The following DMXL1 variants were observed in gnomAD, a reference collection of about 807,000 sequenced individuals.
DMXL1 encodes Dmx like 1.
DMXL1 carries 99 observed loss-of-function variants against 319.2 expected under a neutral mutation model. The ratio of observed to expected loss-of-function variants is 0.31; its 90% CI spans 0.26 to 0.37. The LOEUF (loss-of-function observed/expected upper bound fraction) is 0.37, where lower values mean the gene tolerates loss of function less well. Among genes scored for constraint, DMXL1 ranks in the 10% least tolerant of loss-of-function variants. The pLI is 1.00. For synonymous variants in DMXL1, 1,385 were observed against 1,235.2 expected (o/e 1.12, Z -2.54); for missense variants, 3,745 against 3,595.6 (o/e 1.04, Z -1.06).
At chr5:119,183,019 T>A (rs1777049744) in intron 28 of DMXL1, among the ~76,000 whole-genome samples, 1 of 152,214 alleles carries the variant, frequency 6.6e-6, no homozygotes, top group African/African-American at 2.4e-5. Flanking sequence ...TACCTCTTTA[T>A]CTTAATAAAT....
chr5:119,224,582 G>A, intron 37 of DMXL1, 127 bp from the exon 38 acceptor site: 1 of 374,704 alleles, frequency 2.7e-6, no homozygotes, highest in Non-Finnish European at 5.0e-6. Context: ...AGTATTTTTA[G>A]CACCCATAAT....
chr5:119,093,260 T>C (rs1262444503), intron 1 of DMXL1, among the ~76,000 whole-genome samples: 1 of 152,136 alleles, frequency 6.6e-6, no homozygotes. Context: ...CTTGGCTCAG[T>C]GCAACCTCTG....
chr5:119,079,058 A>G (rs1312599272), intron 1 of DMXL1, among the ~76,000 whole-genome samples: 1 of 152,152 alleles, frequency 6.6e-6, no homozygotes, highest in Non-Finnish European at 1.5e-5. Flanking sequence ...CTATGTAAAG[A>G]AATTCCTGTG....
rs767377564 is a variant in DMXL1 at position 119,193,930 on chromosome 5, G to C, written c.7417G>C (p.Asp2473His). 1.2e-6 allele frequency: 2 copies of C among 1,610,248 alleles called. No individual in the cohort carries two copies. The highest frequency in any genetic ancestry group is 2.2e-5 in the South Asian group (2 of 90,702). Residue 2473 changes from aspartate to histidine, a missense_variant, in exon 30 of 44, where the codon GAT (aspartate) becomes CAT (histidine). Asp to His is a moderately conservative substitution (Grantham distance 81). Transcript: ENST00000539542. ...TGATGATGATGATGTTTTAGCATCA[G>C]ATTTCCATCTCCAGGAACATTCTAA... ...NDDDDDVLAS[D>H]FHLQEHSNSN...
At chr5:119,210,240 C>T (rs1287038476) in intron 34 of DMXL1, among the ~76,000 whole-genome samples, 1 of 152,138 alleles carries the variant, frequency 6.6e-6, no homozygotes, top group African/African-American at 2.4e-5. Flanking sequence ...CGTGAACCAC[C>T]GCAGCCGGCC....
intron 9 of DMXL1, among the ~76,000 whole-genome samples, chr5:119,122,624 G>T (rs1762435389): frequency 6.6e-6 from 1 of 151,482 alleles, no homozygotes; most frequent in Admixed American, 6.6e-5. Flanking sequence ...TCACTTCTCA[G>T]ACGGGGCGGC....
At chr5:119,144,700 A>G (rs1347661520) in intron 15 of DMXL1, 62 bp downstream of exon 15, 1 of 1,035,396 alleles carries the variant, frequency 9.7e-7, no homozygotes, top group African/African-American at 1.7e-5. Flanking sequence ...CAGTTAATAA[A>G]GATGAATTGG....
At chr5:119,104,556 C>CA in intron 3 of DMXL1, among the ~76,000 whole-genome samples, 1 of 152,036 alleles carries the variant, frequency 6.6e-6, no homozygotes, top group Admixed American at 6.6e-5. Context: ...TAGTGTAGGC[C>CA]ACAACCCGAA....
chr5:119,101,077 G>A (rs759710091), intron 2 of DMXL1, among the ~76,000 whole-genome samples: 28 of 152,128 alleles, frequency 1.8e-4, no homozygotes, highest in Admixed American at 1.5e-3. Context: ...CACCGCGGCC[G>A]GCCTTACACC....
intron 32 of DMXL1, among the ~76,000 whole-genome samples, chr5:119,202,745 G>T (rs560912604): frequency 1.6e-3 from 241 of 151,192 alleles, no homozygotes; most frequent in Admixed American, 1.3e-3. Context: ...CAGCTACTCG[G>T]GAGGCTGAGG....
chr5:119,097,180 T>A (rs1756157873), intron 1 of DMXL1, among the ~76,000 whole-genome samples: 1 of 151,946 alleles, frequency 6.6e-6, no homozygotes, highest in African/African-American at 2.4e-5. Flanking sequence ...CTGAGATGGG[T>A]TTATAGAAGG....
intron 34 of DMXL1, among the ~76,000 whole-genome samples, chr5:119,215,963 G>T (rs1419751149): frequency 2.0e-5 from 3 of 151,876 alleles, no homozygotes; most frequent in Middle Eastern, 6.9e-3. Flanking sequence ...CGGTGTGGTG[G>T]CAGGTGCCTG....
At chr5:119,230,370 T>A (rs1314891958) in intron 38 of DMXL1, among the ~76,000 whole-genome samples, 3 of 152,240 alleles carry the variant, frequency 2.0e-5, no homozygotes, top group Admixed American at 2.0e-4. Context: ...TCTAAAAGTT[T>A]AAGGAATACT....
rs1330503860 is a variant in DMXL1, at chr5:119,092,920, T to G, written c.88-5059T>G. On this transcript the variant is annotated intron_variant, in intron 1 of 43. Coordinates refer to ENST00000539542, the MANE Select transcript of DMXL1 (RefSeq NM_001290321.3). ...ACAGTTGATGGACATTTGAGTTGTT[T>G]CCCTTTGTGGCCATTATGAATAATG... Among the ~76,000 whole-genome samples the G allele has an allele frequency of 2.6e-5, 4 of 152,238 alleles. No individual in the cohort carries two copies. The East Asian group carries it at 7.7e-4, about 29-fold the overall frequency.
chr5:119,133,974 A>G lies in DMXL1; in HGVS notation c.2050A>G (p.Thr684Ala). The G allele has an allele frequency of 6.2e-7, 1 of 1,614,214 alleles. No homozygotes were observed. Residue 684 changes from threonine (T) to alanine (A), a missense_variant, in exon 12 of 44, where the codon ACA (threonine) becomes GCA (alanine). Transcript: ENST00000539542. ...DALNIEECSL[T>A]QQNKSTVDVA... The stretch of plus-strand genomic sequence containing the variant: ...TCTAAATATTGAAGAATGCTCTTTG[A>G]CACAACAAAATAAAAGCACTGTTGA...
In DMXL1 at chr5:119,220,475, A is replaced by T. The variant is rs1784463202; in HGVS notation, c.8017A>T (p.Asn2673Tyr). The stretch of plus-strand genomic sequence containing the variant: ...TACCATTTGACTTATTTTTCAGGCA[A>T]ATAGAAACTGCATAGCAATCGCTTC... ...IITAFAVNKA[N>Y]RNCIAIASSH... Residue 2673 changes from asparagine (N) to tyrosine (Y), a missense_variant, in exon 36 of 44, where the codon AAT becomes TAT. This residue lies in a region of DMXL1 where 1,382 missense variants were observed against 1,269.5 expected (regional missense o/e 1.09). Coordinates refer to ENST00000539542, the MANE Select transcript of DMXL1 (RefSeq NM_001290321.3). 1 of 1,612,942 alleles carries T rather than the reference A, an allele frequency of 6.2e-7. No individual in the cohort carries two copies. The highest frequency in any genetic ancestry group is 1.7e-5 in the Admixed American group (1 of 59,786).
At chr5:119,176,873 G>A (rs891296791) in intron 26 of DMXL1, among the ~76,000 whole-genome samples, 23 of 152,082 alleles carry the variant, frequency 1.5e-4, no homozygotes, top group Admixed American at 1.0e-3. Flanking sequence ...CCTTGATAGC[G>A]TCATATGCAT....
chr5:119,111,200 TA>T (rs1014241611), intron 5 of DMXL1, among the ~76,000 whole-genome samples: 5 of 123,476 alleles, frequency 4.0e-5, no homozygotes, highest in African/African-American at 7.4e-5. Context: ...AAAATTTCTA[TA>T]AAATGAAACA....
chr5:119,105,376 A>G lies in DMXL1; in HGVS notation c.364+118A>G, dbSNP rs1758109663. The G allele has an allele frequency of 9.6e-6, 7 of 728,916 alleles. No individual in the cohort carries two copies. In the East Asian group the frequency reaches 1.1e-4, roughly 11 times the overall value. The allele number at this position is 728,916 out of a possible 1,614,324, so 45.2% of individuals were successfully genotyped here. A position where few individuals can be genotyped will look rare whatever the true frequency, so the allele number is the denominator to read the frequency against. Reference sequence around the variant, plus strand: ...GTGAGGTTGTGGGGAATACCAAAGAAGTAAAATGGATTATGCCCTTTTAGA... The same window carrying G: ...GTGAGGTTGTGGGGAATACCAAAGAGGTAAAATGGATTATGCCCTTTTAGA... On this transcript the variant is annotated intron_variant, in intron 4 of 43. Transcript: ENST00000539542.
Sources: gnomAD v4.1 joint callset for allele counts (sites outside exome capture counted in the v4.1 genomes callset) on GRCh38, gnomAD v4.1.1 for gene constraint, gnomAD v4.1.1 regional missense constraint, MANE v1.5 for transcripts, NCBI Gene and HGNC (gene_info 2026-07-23, HGNC 2026-07-21) for gene names.